CACNA1C: variants seen among roughly 807,000 people sequenced by gnomAD.
CACNA1C encodes the protein calcium voltage-gated channel subunit alpha1 C, also known as voltage-dependent L-type calcium channel subunit alpha-1C.
CACNA1C carries 30 observed loss-of-function variants against 229.0 expected under a neutral mutation model. The ratio of observed to expected loss-of-function variants is 0.13; its 90% CI spans 0.10 to 0.18. The LOEUF (loss-of-function observed/expected upper bound fraction) is 0.18. Among genes scored for constraint, CACNA1C ranks in the 10% least tolerant of loss-of-function variants. The pLI is 1.00. For missense variants in CACNA1C, 1,658 were observed against 2,845.0 expected (o/e 0.58, Z 9.49); for synonymous variants, 1,114 against 1,132.5 (o/e 0.98, Z 0.33).
chr12:2,235,676 C>G (rs957952845), intron 3 of CACNA1C, among the ~76,000 whole-genome samples: 1 of 152,098 alleles, frequency 6.6e-6, no homozygotes, highest in East Asian at 1.9e-4. Context: ...GTATTTGTGG[C>G]CCCCTTGGGA....
intron 3 of CACNA1C, among the ~76,000 whole-genome samples, chr12:2,135,496 C>G (rs1437828601): frequency 6.0e-5 from 8 of 133,592 alleles, no homozygotes; most frequent in Admixed American, 2.2e-4. Flanking sequence ...GTGTGGATGT[C>G]CTTTCTGTTT....
chr12:2,504,606 C>A lies in CACNA1C; in HGVS notation c.1114-236C>A. ...GCAAGGTCTCAGGTTCCACTCCGTACATGCCCGGGGTCCTCAGGGATGGGA... is the reference window on the plus strand; with the variant it reads ...GCAAGGTCTCAGGTTCCACTCCGTAAATGCCCGGGGTCCTCAGGGATGGGA... On this transcript the variant is annotated intron_variant, in intron 7 of 46. Coordinates refer to ENST00000399655, the MANE Select transcript of CACNA1C (RefSeq NM_000719.7). This position sits in a 1 kb window ranked among gnomAD's most constrained non-coding sequence, Gnocchi z 6.8. The A allele has an allele frequency of 1.0e-6, 1 of 974,262 alleles. No individual in the cohort carries two copies. The highest frequency in any genetic ancestry group is 1.7e-6 in the Non-Finnish European group (1 of 599,324). 60.4% of individuals were successfully genotyped at this position (974,262 alleles called of 1,614,324 possible).
rs372781616 is a variant in CACNA1C, at chr12:2,075,130, G to A, written c.49+21519G>A. Among the ~76,000 whole-genome samples the A allele has an allele frequency of 1.6e-3, 239 of 152,244 alleles. 5 individuals are homozygous for A. In the South Asian group the frequency reaches 0.043, roughly 28 times the overall value. ...TGACAGCCAACATCTTTTCACCCCC[G>A]CTCTCCTTAGCCCAGGCCTCCATTT... On this transcript the variant is annotated intron_variant, in intron 1 of 46. Coordinates refer to ENST00000399655, the MANE Select transcript of CACNA1C (RefSeq NM_000719.7).
chr12:2,414,130 C>T (rs2098839047), intron 3 of CACNA1C, among the ~76,000 whole-genome samples: 1 of 151,772 alleles, frequency 6.6e-6, no homozygotes, highest in African/African-American at 2.4e-5. Context: ...GTGGCGTAAT[C>T]TCTGAGTTTT....
At chr12:2,596,772 T>C (rs962335896) in intron 20 of CACNA1C, among the ~76,000 whole-genome samples, 3 of 152,108 alleles carry the variant, frequency 2.0e-5, no homozygotes, top group African/African-American at 7.2e-5. Context: ...GGAATAGATG[T>C]CCACCATCAC....
At chr12:2,391,884 C>G (rs1595034435) in intron 3 of CACNA1C, among the ~76,000 whole-genome samples, 1 of 152,348 alleles carries the variant, frequency 6.6e-6, no homozygotes, top group South Asian at 2.1e-4. Context: ...TCCTCAGTGG[C>G]ACTGGCTGTG....
chr12:2,106,159 C>A (rs1275130754), intron 1 of CACNA1C, among the ~76,000 whole-genome samples: 9 of 50,544 alleles, frequency 1.8e-4, no homozygotes, highest in East Asian at 6.4e-4. Flanking sequence ...AGCCACTGGG[C>A]GCCCACCCTG....
intron 3 of CACNA1C, among the ~76,000 whole-genome samples, chr12:2,241,650 C>A (rs1419894509): frequency 1.3e-5 from 2 of 152,144 alleles, no homozygotes; most frequent in Non-Finnish European, 2.9e-5. Flanking sequence ...TAACCTCACG[C>A]CTTGACTATC....
chr12:2,264,174 C>A (rs556046016), intron 3 of CACNA1C, among the ~76,000 whole-genome samples: 2 of 152,224 alleles, frequency 1.3e-5, no homozygotes, highest in East Asian at 3.9e-4. Flanking sequence ...GGGTGAGGAC[C>A]CCGCTGGAAC....
chr12:2,507,024 C>T (rs1446969431), intron 8 of CACNA1C, among the ~76,000 whole-genome samples: 1 of 152,220 alleles, frequency 6.6e-6, no homozygotes, highest in Non-Finnish European at 1.5e-5. Context: ...AGCCTAAAAG[C>T]GCTAGGGTGT....
At chr12:2,571,976 A>G (rs1407798362) in intron 13 of CACNA1C, among the ~76,000 whole-genome samples, 1 of 152,130 alleles carries the variant, frequency 6.6e-6, no homozygotes, top group East Asian at 1.9e-4. Context: ...TTCTTTTAAA[A>G]TATCTTGGAA....
intron 1 of CACNA1C, among the ~76,000 whole-genome samples, chr12:2,016,743 C>A (rs2045451076): frequency 1.3e-5 from 2 of 152,158 alleles, no homozygotes; most frequent in South Asian, 4.1e-4. Flanking sequence ...TAAAACATTT[C>A]TGAGAACAGT....
At position 2,605,729 on chromosome 12, in the gene CACNA1C, G is replaced by C; in HGVS notation, c.3099G>C (p.Val1033=). The change falls in exon 24 of 47, where the codon GTG becomes GTC. Residue 1033 remains valine (V), a synonymous_variant. Coordinates refer to ENST00000399655, the MANE Select transcript of CACNA1C (RefSeq NM_000719.7). This position sits in a 1 kb window ranked among gnomAD's most constrained non-coding sequence, Gnocchi z 6.2. ...CCATCCGGACCATCGGGAACATCGT[G>C]ATTGTCACCACCCTGCTGCAGTTCA... ...FVAIRTIGNI[V]IVTTLLQFMF... The C allele has an allele frequency of 6.2e-7, 1 of 1,614,084 alleles. No individual in the cohort carries two copies. The highest frequency in any genetic ancestry group is 8.5e-7 in the Non-Finnish European group (1 of 1,179,956).
intron 3 of CACNA1C, among the ~76,000 whole-genome samples, chr12:2,378,884 G>A (rs529696738): frequency 7.2e-4 from 107 of 148,258 alleles, no homozygotes; most frequent in African/African-American, 2.6e-3. Context: ...ATAGGCCACC[G>A]TAGTCAGTTT....
intron 3 of CACNA1C, among the ~76,000 whole-genome samples, chr12:2,267,832 G>T (rs1430285909): frequency 6.6e-6 from 1 of 152,142 alleles, no homozygotes; most frequent in Non-Finnish European, 1.5e-5. Context: ...TCTGGGAGGG[G>T]TATTCCCCCT....
chr12:2,241,148 T>G (rs1409125177), intron 3 of CACNA1C, among the ~76,000 whole-genome samples: 6 of 152,012 alleles, frequency 3.9e-5, no homozygotes, highest in African/African-American at 9.7e-5. Context: ...TGCGAGTGGT[T>G]CAAGAAGCCT....
intron 38 of CACNA1C, 68 bp downstream of exon 38, chr12:2,669,103 G>A: frequency 1.8e-6 from 2 of 1,131,182 alleles, no homozygotes; most frequent in Non-Finnish European, 2.7e-6. Context: ...GAGGAGCTCG[G>A]CAGCCTGCAA....
At chr12:2,031,158 C>T (rs1380013468) in intron 1 of CACNA1C, among the ~76,000 whole-genome samples, 4 of 152,138 alleles carry the variant, frequency 2.6e-5, no homozygotes, top group Non-Finnish European at 5.9e-5. Flanking sequence ...GCCTAAGTGC[C>T]CATGGGCATC....
At chr12:2,383,911 T>C (rs1432173315) in intron 3 of CACNA1C, among the ~76,000 whole-genome samples, 1 of 152,256 alleles carries the variant, frequency 6.6e-6, no homozygotes, top group East Asian at 1.9e-4. Context: ...GGAAATCTAA[T>C]TGATTAGCAT....
Sources: allele counts gnomAD v4.1 joint callset (sites outside exome capture counted in the v4.1 genomes callset), GRCh38; gene constraint gnomAD v4.1.1; non-coding constraint Gnocchi (gnomAD v3.1); transcripts MANE v1.5; gene names NCBI Gene and HGNC (gene_info 2026-07-23, HGNC 2026-07-21).